Variants in NCKAP5 observed in about 807,000 individuals in gnomAD.
The protein encoded by NCKAP5 is nck-associated protein 5.
NCKAP5 carries 92 observed loss-of-function variants against 167.0 expected under a neutral mutation model. The observed-to-expected ratio is 0.55, with a 90% CI of 0.47 to 0.66. NCKAP5 has a LOEUF of 0.66. Among genes scored for constraint, NCKAP5 ranks in the 30% least tolerant of loss-of-function variants. The pLI is 0.00. For synonymous variants in NCKAP5, 891 were observed against 877.4 expected (o/e 1.02, Z -0.27); for missense variants, 2,378 against 2,315.0 (o/e 1.03, Z -0.56).
intron 4 of NCKAP5, among the ~76,000 whole-genome samples, chr2:133,252,936 C>T (rs926554748): frequency 6.6e-6 from 1 of 152,202 alleles, no homozygotes; most frequent in Non-Finnish European, 1.5e-5. Context: ...GGCAGCCAGC[C>T]TCAGGGGGTC....
chr2:132,720,616 G>A (rs1689819420), intron 19 of NCKAP5, among the ~76,000 whole-genome samples: 1 of 152,178 alleles, frequency 6.6e-6, no homozygotes, highest in South Asian at 2.1e-4. Flanking sequence ...GGAGTGGGTG[G>A]TGGGAGGGCA....
At chr2:133,396,707 A>G (rs972030131) in intron 3 of NCKAP5, among the ~76,000 whole-genome samples, 2 of 152,158 alleles carry the variant, frequency 1.3e-5, no homozygotes, top group African/African-American at 2.4e-5. Flanking sequence ...GGTTACCTCT[A>G]TAAAGACCCT....
chr2:132,867,498 G>C (rs1574465944), intron 10 of NCKAP5, among the ~76,000 whole-genome samples: 2 of 152,162 alleles, frequency 1.3e-5, no homozygotes, highest in East Asian at 3.8e-4. Flanking sequence ...GTGTGAGTAA[G>C]GTCTGTTCAC....
chr2:133,191,813 A>G (rs888390572), intron 5 of NCKAP5, among the ~76,000 whole-genome samples: 2 of 152,116 alleles, frequency 1.3e-5, no homozygotes, highest in African/African-American at 4.8e-5. Flanking sequence ...AGATATACCT[A>G]ATGTAAATGA....
chr2:133,611,146 C>T, the NCKAP5 span, among the ~76,000 whole-genome samples: 3 of 152,016 alleles, frequency 2.0e-5, no homozygotes, highest in Admixed American at 1.3e-4. Flanking sequence ...GCATTTCACT[C>T]AAGAACAGGA....
intron 9 of NCKAP5, among the ~76,000 whole-genome samples, chr2:132,873,156 T>G (rs1416653007): frequency 6.6e-6 from 1 of 152,168 alleles, no homozygotes; most frequent in Non-Finnish European, 1.5e-5. Flanking sequence ...CAGGCTGGAG[T>G]GCAGTAGCAC....
chr2:133,039,135 T>C (rs1385128238), intron 6 of NCKAP5, among the ~76,000 whole-genome samples: 1 of 152,162 alleles, frequency 6.6e-6, no homozygotes, highest in Non-Finnish European at 1.5e-5. Flanking sequence ...CACATCCTAT[T>C]TACGAGGGCC....
chr2:133,309,742 C>G (rs1681096770), intron 3 of NCKAP5, among the ~76,000 whole-genome samples: 1 of 152,124 alleles, frequency 6.6e-6, no homozygotes, highest in Non-Finnish European at 1.5e-5. Flanking sequence ...TAATGTGAAT[C>G]TCCTATTGTC....
chr2:133,256,956 A>G (rs191605828), intron 4 of NCKAP5, among the ~76,000 whole-genome samples: 4 of 152,198 alleles, frequency 2.6e-5, no homozygotes, highest in Non-Finnish European at 4.4e-5. Context: ...TTCCCTACTT[A>G]CCCTCTACAG....
intron 13 of NCKAP5, among the ~76,000 whole-genome samples, chr2:132,787,948 A>G (rs762706019): frequency 4.6e-5 from 7 of 152,086 alleles, no homozygotes; most frequent in African/African-American, 1.7e-4. Context: ...CCTTTCTGCC[A>G]TTCTGGAGCC....
chr2:133,647,453 G>T, the NCKAP5 span, among the ~76,000 whole-genome samples: 3 of 102,216 alleles, frequency 2.9e-5, no homozygotes, highest in African/African-American at 4.7e-5. Flanking sequence ...AAGAAAGAAC[G>T]AAAGAAAGAA....
chr2:132,971,849 A>C (rs1234217817), intron 7 of NCKAP5, among the ~76,000 whole-genome samples: 1 of 152,152 alleles, frequency 6.6e-6, no homozygotes, highest in Non-Finnish European at 1.5e-5. Context: ...TCCTCGGTGC[A>C]CTCTGGCCCT....
chr2:133,651,534 G>A, the NCKAP5 span, among the ~76,000 whole-genome samples: 2 of 152,162 alleles, frequency 1.3e-5, no homozygotes, highest in African/African-American at 4.8e-5. Flanking sequence ...GTGAGGCTGT[G>A]GAGAAATAGA....
intron 4 of NCKAP5, among the ~76,000 whole-genome samples, chr2:133,249,727 A>G (rs977006145): frequency 2.0e-5 from 3 of 152,162 alleles, no homozygotes; most frequent in African/African-American, 7.2e-5. Context: ...ATCTGACAAT[A>G]AATTCTGACT....
intron 5 of NCKAP5, 78 bp downstream of exon 5, chr2:133,213,638 T>A: frequency 2.1e-6 from 3 of 1,406,830 alleles, no homozygotes; most frequent in Non-Finnish European, 3.0e-6. Context: ...TCCTTAGATA[T>A]CCTTAATGAG....
chr2:133,647,874 G>A, the NCKAP5 span, among the ~76,000 whole-genome samples: 1 of 152,058 alleles, frequency 6.6e-6, no homozygotes, highest in Non-Finnish European at 1.5e-5. Flanking sequence ...AATGGCAATA[G>A]CAAATTTTTC....
intron 3 of NCKAP5, among the ~76,000 whole-genome samples, chr2:133,467,083 G>T (rs1376752311): frequency 6.6e-6 from 1 of 151,842 alleles, no homozygotes; most frequent in Non-Finnish European, 1.5e-5. Context: ...TCCCTGTCTT[G>T]TGCCAGTTTT....
intron 5 of NCKAP5, among the ~76,000 whole-genome samples, chr2:133,199,958 T>A (rs1194051040): frequency 6.6e-6 from 1 of 151,746 alleles, no homozygotes; most frequent in African/African-American, 2.4e-5. Context: ...CAAAAAAGCA[T>A]ATAGTTCAGA....
intron 16 of NCKAP5, among the ~76,000 whole-genome samples, chr2:132,765,122 T>C (rs1681341100): frequency 1.3e-5 from 2 of 152,194 alleles, no homozygotes; most frequent in South Asian, 2.1e-4. Flanking sequence ...TATTTATTCA[T>C]ACATATGGTA....
Sources: allele counts gnomAD v4.1 joint callset (sites outside exome capture counted in the v4.1 genomes callset), GRCh38; gene constraint gnomAD v4.1.1; transcripts MANE v1.5; gene names NCBI Gene and HGNC (gene_info 2026-07-23, HGNC 2026-07-21).